The following TENM3 variants were observed in gnomAD, a reference collection of about 807,000 sequenced individuals.
The protein encoded by TENM3 is teneurin-3.
In TENM3, 63 loss-of-function variants were observed where a neutral mutation model predicts 255.1. The observed-to-expected ratio is 0.25, with a 90% confidence interval of 0.20 to 0.30. The LOEUF (loss-of-function observed/expected upper bound fraction) is 0.30, where lower values mean the gene tolerates loss of function less well. Among genes scored for constraint, TENM3 ranks in the 10% least tolerant of loss-of-function variants. The probability of loss-of-function intolerance (pLI) is 1.00; values close to 1 mark genes in which losing one functional copy is unlikely to be tolerated. For missense variants in TENM3, 2,929 were observed against 3,461.1 expected, an observed-to-expected ratio of 0.85 and a Z score of 3.86; for synonymous variants, 1,306 against 1,322.3, an observed-to-expected ratio of 0.99 and a Z score of 0.27.
intron 1 of TENM3, among the ~76,000 whole-genome samples, chr4:182,209,708 C>T (rs1345629038): frequency 2.0e-5 from 3 of 152,010 alleles, no homozygotes; most frequent in Non-Finnish European, 4.4e-5. Flanking sequence ...CTTGGGAGTA[C>T]AGTAGCTGAA....
chr4:182,643,527 C>T (rs906798231), intron 5 of TENM3, among the ~76,000 whole-genome samples: 2 of 152,040 alleles, frequency 1.3e-5, no homozygotes, highest in Non-Finnish European at 2.9e-5. Flanking sequence ...CTAGTGCAAA[C>T]CCTTCAGATT....
At chr4:182,173,448 A>G (rs1347477087) in intron 1 of TENM3, among the ~76,000 whole-genome samples, 1 of 152,206 alleles carries the variant, frequency 6.6e-6, no homozygotes, top group African/African-American at 2.4e-5. Context: ...AGATAAAAGA[A>G]CAAGGACTTA....
the TENM3 span, among the ~76,000 whole-genome samples, chr4:181,576,077 C>T: frequency 1.3e-5 from 2 of 152,162 alleles, no homozygotes; most frequent in African/African-American, 2.4e-5. Flanking sequence ...ATTGTCTCCA[C>T]TATGTAATTT....
At chr4:182,748,240 C>A (rs1275264556) in intron 19 of TENM3, among the ~76,000 whole-genome samples, 2 of 152,130 alleles carry the variant, frequency 1.3e-5, no homozygotes, top group African/African-American at 4.8e-5. Context: ...TGCTATTAGT[C>A]AAAATTGTAA....
chr4:182,750,439 T>C (rs1207348193), intron 19 of TENM3, among the ~76,000 whole-genome samples: 2 of 152,192 alleles, frequency 1.3e-5, no homozygotes, highest in African/African-American at 4.8e-5. Flanking sequence ...TGTGATCTGC[T>C]GGCCTCCTCT....
intron 3 of TENM3, among the ~76,000 whole-genome samples, chr4:182,398,423 CAG>C (rs141779838): frequency 0.018 from 2,777 of 152,258 alleles, 80 homozygotes; most frequent in African/African-American, 0.062. Flanking sequence ...TCCTTTATTT[CAG>C]AGGTGCTGTT....
chr4:182,507,513 T>G (rs1736963782), intron 3 of TENM3, among the ~76,000 whole-genome samples: 1 of 152,170 alleles, frequency 6.6e-6, no homozygotes, highest in East Asian at 1.9e-4. Context: ...CAGAATTTTT[T>G]TTATATAAAT....
chr4:182,418,152 A>C (rs1770526363), intron 3 of TENM3, among the ~76,000 whole-genome samples: 1 of 152,206 alleles, frequency 6.6e-6, no homozygotes, highest in African/African-American at 2.4e-5. Flanking sequence ...GGTGAAAAAA[A>C]AGCAGGCCAA....
intron 1 of TENM3, among the ~76,000 whole-genome samples, chr4:182,235,419 T>A (rs1287798640): frequency 6.6e-6 from 1 of 152,142 alleles, no homozygotes; most frequent in African/African-American, 2.4e-5. Context: ...TAGCGTGCAA[T>A]CTCCAGTGTT....
At chr4:181,929,989 C>T in the TENM3 span, among the ~76,000 whole-genome samples, 211 of 152,134 alleles carry the variant, frequency 1.4e-3, no homozygotes, top group African/African-American at 4.9e-3. Flanking sequence ...AACAAAGATA[C>T]AATGTACTAG....
At chr4:182,257,283 G>A (rs1176663510) in intron 1 of TENM3, among the ~76,000 whole-genome samples, 7 of 152,140 alleles carry the variant, frequency 4.6e-5, no homozygotes, top group African/African-American at 4.8e-5. Flanking sequence ...CTGCATTCAC[G>A]TGTAACAGAT....
At chr4:182,025,226 C>T in the TENM3 span, among the ~76,000 whole-genome samples, 2 of 151,986 alleles carry the variant, frequency 1.3e-5, no homozygotes, top group African/African-American at 4.8e-5. Flanking sequence ...GATGGGGTTT[C>T]ACTGTGTTGG....
At chr4:182,638,103 G>A (rs1751996741) in intron 5 of TENM3, among the ~76,000 whole-genome samples, 1 of 151,102 alleles carries the variant, frequency 6.6e-6, no homozygotes, top group African/African-American at 2.4e-5. Context: ...TTAACATCTA[G>A]AAGTAGAAAT....
chr4:182,555,568 T>C (rs1219737667), intron 3 of TENM3, among the ~76,000 whole-genome samples: 1 of 152,154 alleles, frequency 6.6e-6, no homozygotes, highest in Non-Finnish European at 1.5e-5. Flanking sequence ...CTGGTTCAAG[T>C]AGGTGCTCAG....
chr4:181,525,396 C>CAAAAAAAAAAAAAAA, the TENM3 span, among the ~76,000 whole-genome samples: 3 of 97,314 alleles, frequency 3.1e-5, no homozygotes, highest in Admixed American at 1.1e-4. Flanking sequence ...GACCCTGTTT[C>CAAAAAAAAAAAAAAA]AAAAAAAAAA....
intron 6 of TENM3, 49 bp from the exon 7 acceptor site, chr4:182,672,955 TG>T (rs1485518305): frequency 1.3e-5 from 18 of 1,345,978 alleles, no homozygotes; most frequent in South Asian, 4.2e-5. Flanking sequence ...TTTTTTGTTT[TG>T]TTTTTTTAAA....
At chr4:182,503,744 C>A (rs534167955) in intron 3 of TENM3, among the ~76,000 whole-genome samples, 4 of 152,144 alleles carry the variant, frequency 2.6e-5, no homozygotes, top group African/African-American at 9.6e-5. Context: ...CCTGTGAGCC[C>A]ATATTCCATA....
the TENM3 span, among the ~76,000 whole-genome samples, chr4:181,862,275 G>T: frequency 6.6e-6 from 1 of 151,898 alleles, no homozygotes; most frequent in East Asian, 1.9e-4. Flanking sequence ...AGGGAGAACT[G>T]CATGTAAAAG....
At chr4:182,195,022 A>ATC (rs1315052950) in intron 1 of TENM3, among the ~76,000 whole-genome samples, 14 of 95,644 alleles carry the variant, frequency 1.5e-4, no homozygotes, top group South Asian at 7.9e-4. Context: ...CACAGTCTCT[A>ATC]TCACACACAC....
Sources: gnomAD v4.1 joint callset for allele counts (sites outside exome capture counted in the v4.1 genomes callset) on GRCh38, gnomAD v4.1.1 for gene constraint, MANE v1.5 for transcripts, NCBI Gene and HGNC (gene_info 2026-07-23, HGNC 2026-07-21) for gene names.